PRKAR1B: variants seen among roughly 807,000 people sequenced by gnomAD.
PRKAR1B encodes cAMP-dependent protein kinase type I-beta regulatory subunit.
Under a neutral mutation model 46.5 loss-of-function variants are expected in PRKAR1B, and 22 were observed. The ratio of observed to expected loss-of-function variants is 0.47; its 90% CI spans 0.34 to 0.68. The LOEUF (loss-of-function observed/expected upper bound fraction) is 0.68. Ranked by LOEUF, PRKAR1B falls within the 30% of genes least tolerant of loss-of-function variation. The pLI, the probability that PRKAR1B is intolerant of heterozygous loss-of-function variation, is 0.01. For missense variants in PRKAR1B, 445 were observed against 535.6 expected (o/e 0.83, Z 1.67); for synonymous variants, 259 against 217.7 (o/e 1.19, Z -1.67).
intron 1 of PRKAR1B, among the ~76,000 whole-genome samples, chr7:723,991 T>A (rs1189628145): frequency 2.6e-5 from 4 of 152,210 alleles, no homozygotes; most frequent in Admixed American, 2.0e-4. Context: ...TTTCTCCTTT[T>A]ATGAGGACAG....
At chr7:638,034 G>A (rs934514140) in intron 4 of PRKAR1B, among the ~76,000 whole-genome samples, 3 of 152,156 alleles carry the variant, frequency 2.0e-5, no homozygotes, top group Non-Finnish European at 4.4e-5. Flanking sequence ...CTGCCCCGCC[G>A]GCGGAGAAGA....
At chr7:637,850 A>C (rs1784203580) in intron 4 of PRKAR1B, among the ~76,000 whole-genome samples, 2 of 152,086 alleles carry the variant, frequency 1.3e-5, no homozygotes, top group African/African-American at 4.8e-5. Context: ...TAAATAAATA[A>C]ATAAATAACA....
intron 1 of PRKAR1B, among the ~76,000 whole-genome samples, chr7:719,153 T>G (rs1562364560): frequency 6.6e-6 from 1 of 152,028 alleles, no homozygotes; most frequent in Admixed American, 6.6e-5. Flanking sequence ...AATTCTCCTG[T>G]CTCAGCCTCC....
At chr7:680,462 G>T in intron 3 of PRKAR1B, 94 bp downstream of exon 3, 1 of 1,252,104 alleles carries the variant, frequency 8.0e-7, no homozygotes, top group Non-Finnish European at 1.1e-6. Context: ...ACCCCCAGGA[G>T]GATGAGGGTG....
intron 4 of PRKAR1B, among the ~76,000 whole-genome samples, chr7:617,491 C>A (rs181911028): frequency 6.6e-6 from 1 of 152,104 alleles, no homozygotes; most frequent in Non-Finnish European, 1.5e-5. Context: ...ATTTTAAAAG[C>A]AAGCTAATTT....
upstream of PRKAR1B, chr7:727,412 G>GC (rs1781374997): frequency 3.8e-6 from 2 of 520,380 alleles, no homozygotes; most frequent in African/African-American, 8.5e-5. Context: ...GCTCGGCCCC[G>GC]CCCCCCTCCA....
At chr7:691,945 A>C (rs544586863) in intron 2 of PRKAR1B, 1 of 674,466 alleles carries the variant, frequency 1.5e-6, no homozygotes, top group African/African-American at 2.0e-5. Flanking sequence ...CCCAGGCTGA[A>C]TCACTGGGAG....
At chr7:676,027 CA>C (rs35731986) in intron 4 of PRKAR1B, among the ~76,000 whole-genome samples, 21,696 of 151,940 alleles carry the variant, frequency 0.14, 1,927 homozygotes, top group Middle Eastern at 0.24. Context: ...ATTGACAGCA[CA>C]AGACAACTGC....
chr7:641,786 TTA>T (rs1784401423), intron 4 of PRKAR1B, among the ~76,000 whole-genome samples: 1 of 152,376 alleles, frequency 6.6e-6, no homozygotes, highest in African/African-American at 2.4e-5. Flanking sequence ...TGTGTTATTT[TTA>T]GTCACGTATT....
At chr7:711,587 A>G (rs1241651327) in intron 1 of PRKAR1B, 60 bp from the exon 2 acceptor site, 15 of 1,462,354 alleles carry the variant, frequency 1.0e-5, no homozygotes, top group Non-Finnish European at 1.3e-5. Context: ...CGCGCCGGAT[A>G]AACGCAGGCG....
At chr7:582,320 T>G (rs1161423557) in intron 8 of PRKAR1B, among the ~76,000 whole-genome samples, 1 of 152,248 alleles carries the variant, frequency 6.6e-6, no homozygotes, top group African/African-American at 2.4e-5. Context: ...CAAAAGCCGT[T>G]CCCAGGTTTC....
intron 9 of PRKAR1B, among the ~76,000 whole-genome samples, chr7:575,605 G>A (rs538962243): frequency 1.3e-5 from 2 of 152,066 alleles, no homozygotes; most frequent in African/African-American, 4.8e-5. Context: ...GAGTGCAATG[G>A]CGCAATCATA....
chr7:640,123 A>G (rs1784312124), intron 4 of PRKAR1B, among the ~76,000 whole-genome samples: 1 of 151,502 alleles, frequency 6.6e-6, no homozygotes, highest in Non-Finnish European at 1.5e-5. Context: ...AGATCGTACT[A>G]TTGCACTCCA....
At chr7:696,655 C>T (rs76569734) in intron 2 of PRKAR1B, 15,083 of 152,238 alleles carry the variant, frequency 0.099, 907 homozygotes, top group South Asian at 0.2. Flanking sequence ...CTCACGGCTC[C>T]GGCAAGGACC....
chr7:683,704 C>T (rs1279844882), intron 2 of PRKAR1B, among the ~76,000 whole-genome samples: 3 of 152,220 alleles, frequency 2.0e-5, no homozygotes, highest in Non-Finnish European at 4.4e-5. Context: ...GTCACAGAGA[C>T]GCCCTGACCA....
intron 9 of PRKAR1B, among the ~76,000 whole-genome samples, chr7:571,420 C>T (rs558721873): frequency 3.3e-5 from 5 of 152,332 alleles, no homozygotes; most frequent in South Asian, 2.1e-4. Flanking sequence ...CTGGTTCAGG[C>T]GTCGGCGGGG....
chr7:672,707 A>G (rs1348771142), intron 4 of PRKAR1B, among the ~76,000 whole-genome samples: 2 of 151,494 alleles, frequency 1.3e-5, no homozygotes, highest in African/African-American at 4.9e-5. Flanking sequence ...ATCTCTACTA[A>G]ATATACAAAA....
At chr7:573,787 G>A (rs1285398379) in intron 9 of PRKAR1B, among the ~76,000 whole-genome samples, 2 of 152,218 alleles carry the variant, frequency 1.3e-5, no homozygotes, top group Non-Finnish European at 2.9e-5. Context: ...GCGGAGTCGG[G>A]CACACCCATG....
At chr7:653,409 G>A (rs1243008072) in intron 4 of PRKAR1B, among the ~76,000 whole-genome samples, 1 of 152,182 alleles carries the variant, frequency 6.6e-6, no homozygotes, top group African/African-American at 2.4e-5. Flanking sequence ...GAAAGTGAGG[G>A]CTGGCTTCCA....
Sources: gnomAD v4.1 joint callset for allele counts (sites outside exome capture counted in the v4.1 genomes callset) on GRCh38, gnomAD v4.1.1 for gene constraint, MANE v1.5 for transcripts, NCBI Gene and HGNC (gene_info 2026-07-23, HGNC 2026-07-21) for gene names.